Variants in SLC7A1 observed in about 807,000 individuals in gnomAD.
SLC7A1 encodes high affinity cationic amino acid transporter 1.
SLC7A1 carries 10 observed loss-of-function variants against 53.9 expected under a neutral mutation model. The ratio of observed to expected loss-of-function variants is 0.19; its 90% confidence interval spans 0.11 to 0.31. The LOEUF (loss-of-function observed/expected upper bound fraction) is 0.31, where lower values mean the gene tolerates loss of function less well. SLC7A1 is among the 10% of genes least tolerant of loss of function. The pLI, the probability that SLC7A1 is intolerant of heterozygous loss-of-function variation, is 1.00. For missense variants in SLC7A1, 525 were observed against 827.2 expected (o/e 0.63, Z 4.48); for synonymous variants, 342 against 338.7 (o/e 1.01, Z -0.11).
At chr13:29,593,676 G>C (rs961503259) in intron 1 of SLC7A1, among the ~76,000 whole-genome samples, 1 of 151,980 alleles carries the variant, frequency 6.6e-6, no homozygotes, top group Non-Finnish European at 1.5e-5. Flanking sequence ...CAATCAACAC[G>C]TATTTAATTC....
At chr13:29,529,217 ATTAGTG>A (rs1390643395) in intron 5 of SLC7A1, among the ~76,000 whole-genome samples, 4 of 152,196 alleles carry the variant, frequency 2.6e-5, no homozygotes, top group South Asian at 2.1e-4. Flanking sequence ...ACCACAAAAT[ATTAGTG>A]TTAGTGAAGT....
intron 2 of SLC7A1, among the ~76,000 whole-genome samples, chr13:29,544,025 C>T (rs1039564903): frequency 6.6e-6 from 1 of 152,128 alleles, no homozygotes; most frequent in African/African-American, 2.4e-5. Context: ...CAGCATCGGG[C>T]CTCAGCCAGG....
intron 5 of SLC7A1, among the ~76,000 whole-genome samples, chr13:29,528,430 TG>T (rs1868999998): frequency 6.6e-6 from 1 of 152,138 alleles, no homozygotes; most frequent in Admixed American, 6.5e-5. Flanking sequence ...ACCTAGTTCC[TG>T]GGGGCCTTCC....
At chr13:29,531,311 C>T (rs967359691) in intron 4 of SLC7A1, among the ~76,000 whole-genome samples, 2 of 151,896 alleles carry the variant, frequency 1.3e-5, no homozygotes, top group African/African-American at 4.9e-5. Flanking sequence ...AGCTTGCAAA[C>T]TCACGTTTTT....
intron 1 of SLC7A1, among the ~76,000 whole-genome samples, chr13:29,591,749 GACATAGTCCT>G (rs557659398): frequency 6.6e-6 from 1 of 152,214 alleles, no homozygotes; most frequent in Non-Finnish European, 1.5e-5. Flanking sequence ...AATGTAGCCA[GACATAGTCCT>G]ACCAGAAGAA....
chr13:29,532,215 C>G (rs995360112), intron 4 of SLC7A1, among the ~76,000 whole-genome samples: 7 of 152,212 alleles, frequency 4.6e-5, no homozygotes, highest in Non-Finnish European at 5.9e-5. Flanking sequence ...GCAAAACTCG[C>G]GCTGCACTGG....
chr13:29,560,880 A>G (rs766477800), intron 1 of SLC7A1, among the ~76,000 whole-genome samples: 2 of 152,192 alleles, frequency 1.3e-5, no homozygotes, highest in African/African-American at 4.8e-5. Context: ...ATCAGAAAAC[A>G]TATCCCACTG....
At chr13:29,520,869 C>T (rs544606955) in intron 8 of SLC7A1, among the ~76,000 whole-genome samples, 1 of 152,332 alleles carries the variant, frequency 6.6e-6, no homozygotes, top group East Asian at 1.9e-4. Flanking sequence ...AAACTTGAGA[C>T]TAATTTCTTC....
At chr13:29,564,708 T>C (rs1401350737) in intron 1 of SLC7A1, among the ~76,000 whole-genome samples, 2 of 152,202 alleles carry the variant, frequency 1.3e-5, no homozygotes, top group African/African-American at 4.8e-5. Context: ...TGCTCAACCA[T>C]GGACTAGCTG....
chr13:29,529,950 G>A (rs532619812), intron 5 of SLC7A1, among the ~76,000 whole-genome samples: 7 of 152,300 alleles, frequency 4.6e-5, no homozygotes, highest in Non-Finnish European at 8.8e-5. Flanking sequence ...CTCCAGTTCC[G>A]GATGTCTGTG....
intron 1 of SLC7A1, among the ~76,000 whole-genome samples, chr13:29,570,202 T>G (rs1364173089): frequency 6.6e-6 from 1 of 152,170 alleles, no homozygotes; most frequent in Non-Finnish European, 1.5e-5. Context: ...CTGCTGAACC[T>G]CCTCTGCCCC....
intron 1 of SLC7A1, among the ~76,000 whole-genome samples, chr13:29,573,573 G>C (rs890663028): frequency 6.6e-6 from 1 of 152,168 alleles, no homozygotes. Context: ...AGCCACAAAA[G>C]ACAATGTGAC....
chr13:29,554,639 A>T (rs1870351422), intron 1 of SLC7A1, among the ~76,000 whole-genome samples: 1 of 152,256 alleles, frequency 6.6e-6, no homozygotes, highest in South Asian at 2.1e-4. Context: ...GGAGCTGAAG[A>T]GGTTTAATTA....
intron 1 of SLC7A1, among the ~76,000 whole-genome samples, chr13:29,554,201 C>T (rs1410223144): frequency 1.3e-5 from 2 of 152,220 alleles, no homozygotes; most frequent in Non-Finnish European, 2.9e-5. Context: ...CATGCAAAAG[C>T]TCTGAGGCCC....
At chr13:29,554,336 G>A (rs182231599) in intron 1 of SLC7A1, among the ~76,000 whole-genome samples, 2 of 152,282 alleles carry the variant, frequency 1.3e-5, no homozygotes, top group East Asian at 1.9e-4. Context: ...TCGTACAATC[G>A]AGAATTTAGT....
At chr13:29,581,915 G>A (rs1871664164) in intron 1 of SLC7A1, among the ~76,000 whole-genome samples, 2 of 152,200 alleles carry the variant, frequency 1.3e-5, no homozygotes. Context: ...ACACATTTAT[G>A]TGCAACCTCA....
chr13:29,568,692 T>C (rs1871071073), intron 1 of SLC7A1, among the ~76,000 whole-genome samples: 1 of 152,198 alleles, frequency 6.6e-6, no homozygotes. Context: ...TTGTAAAAGA[T>C]TGTGTTTTTA....
chr13:29,565,399 C>A (rs1054638480), intron 1 of SLC7A1, among the ~76,000 whole-genome samples: 5 of 152,166 alleles, frequency 3.3e-5, no homozygotes, highest in Admixed American at 6.5e-5. Flanking sequence ...ACCCAGCAGG[C>A]GTTCCCAGAA....
At position 29,523,986 on chromosome 13, in the gene SLC7A1, G is replaced by T; in HGVS notation, c.826+146C>A. ...GTGATAATGGTTTGGGGGTGGGAGGGCTTGGCAGGAAGCTACAAATCTACA... is the reference window on the plus strand; with the variant it reads ...GTGATAATGGTTTGGGGGTGGGAGGTCTTGGCAGGAAGCTACAAATCTACA... On this transcript the variant is annotated intron_variant, in intron 6 of 12. Transcript: ENST00000380752. 5.5e-6 allele frequency: 4 copies of T among 730,194 alleles called. No homozygotes were observed. The Admixed American group carries it at 7.9e-5, about 14-fold the overall frequency. 45.2% of individuals were successfully genotyped at this position (730,194 alleles called of 1,614,324 possible).
Sources: gnomAD v4.1 joint callset for allele counts (sites outside exome capture counted in the v4.1 genomes callset) on GRCh38, gnomAD v4.1.1 for gene constraint, MANE v1.5 for transcripts, NCBI Gene and HGNC (gene_info 2026-07-23, HGNC 2026-07-21) for gene names.